NXPH2: variants seen among roughly 807,000 people sequenced by gnomAD.
NXPH2 encodes neurexophilin 2.
NXPH2 carries 5 observed loss-of-function variants against 19.8 expected under a neutral mutation model. That is an observed-to-expected ratio of 0.25 (90% CI 0.13 to 0.53). The LOEUF is 0.53. Ranked by LOEUF, NXPH2 falls within the 20% of genes least tolerant of loss-of-function variation. NXPH2 has a pLI of 0.96. For synonymous variants in NXPH2, 154 were observed against 127.4 expected (o/e 1.21, Z -1.41); for missense variants, 289 against 322.8 (o/e 0.90, Z 0.80).
At chr2:138,723,313 G>T (rs1681308452) in intron 1 of NXPH2, among the ~76,000 whole-genome samples, 1 of 152,128 alleles carries the variant, frequency 6.6e-6, no homozygotes, top group African/African-American at 2.4e-5. Flanking sequence ...AAAATTCATT[G>T]AAGATTATAC....
chr2:138,699,566 C>A (rs1397074242), intron 1 of NXPH2, among the ~76,000 whole-genome samples: 3 of 151,898 alleles, frequency 2.0e-5, no homozygotes, highest in Non-Finnish European at 4.4e-5. Flanking sequence ...CTAGGGGCAG[C>A]GGTGAGACTC....
intron 1 of NXPH2, among the ~76,000 whole-genome samples, chr2:138,720,211 T>C (rs1654651441): frequency 6.6e-6 from 1 of 150,728 alleles, no homozygotes; most frequent in Non-Finnish European, 1.5e-5. Flanking sequence ...GGAAGGACAA[T>C]GCAAAGTAGG....
rs561242556 is a variant in NXPH2 at position 138,715,287 on chromosome 2, A to T, written c.52-43622T>A. On this transcript the variant is annotated intron_variant, in intron 1 of 1. Transcript: ENST00000272641. ...ATATTTAAAAAGCAGAGATTATTTT[A>T]TACTGGATACATACAACTATTTAGT... Among the ~76,000 whole-genome samples the T allele has an allele frequency of 7.2e-5, 11 of 152,338 alleles. No individual in the cohort carries two copies. In the South Asian group the frequency reaches 1.9e-3, roughly 26 times the overall value.
In NXPH2 at chr2:138,778,346, T is replaced by A. The variant is rs562168906; in HGVS notation, c.51+1845A>T. ...GATTAGAATTTGACATAAGCTTTTTTAAAAGCAAATCCATCAGTCCATGCT... is the reference window on the plus strand; with the variant it reads ...GATTAGAATTTGACATAAGCTTTTTAAAAAGCAAATCCATCAGTCCATGCT... On this transcript the variant is annotated intron_variant, in intron 1 of 1. Coordinates refer to ENST00000272641, the MANE Select transcript of NXPH2 (RefSeq NM_007226.3). Among the ~76,000 whole-genome samples the A allele has an allele frequency of 1.2e-4, 18 of 152,280 alleles. No individual in the cohort carries two copies. The South Asian group carries it at 1.5e-3, about 12-fold the overall frequency.
At chr2:138,765,888 T>G (rs757810221) in intron 1 of NXPH2, among the ~76,000 whole-genome samples, 3 of 152,248 alleles carry the variant, frequency 2.0e-5, no homozygotes, top group Non-Finnish European at 4.4e-5. Flanking sequence ...CAATTTCAAT[T>G]TTATTTGCTG....
At position 138,717,940 on chromosome 2, in the gene NXPH2, G is replaced by A. The variant is rs1017724042; in HGVS notation, c.52-46275C>T. On this transcript the variant is annotated intron_variant, in intron 1 of 1. Coordinates refer to ENST00000272641, the MANE Select transcript of NXPH2 (RefSeq NM_007226.3). ...ATTAGACCTCTCAAACATTATAATA[G>A]AGTTGAAAATCAAGTTATTGATCTA... 3.3e-5 allele frequency among the ~76,000 whole-genome samples: 5 copies of A among 151,932 alleles called. No individual in the cohort carries two copies. The East Asian group carries it at 5.8e-4, about 18-fold the overall frequency.
intron 1 of NXPH2, among the ~76,000 whole-genome samples, chr2:138,761,352 A>G (rs1426765707): frequency 1.3e-5 from 2 of 152,174 alleles, no homozygotes; most frequent in Non-Finnish European, 2.9e-5. Flanking sequence ...GCAATGGGGC[A>G]AATCTGATGA....
chr2:138,723,862 C>A (rs548735536), intron 1 of NXPH2, among the ~76,000 whole-genome samples: 1 of 152,126 alleles, frequency 6.6e-6, no homozygotes, highest in South Asian at 2.1e-4. Flanking sequence ...TTTTCCATTG[C>A]TGACTGGTAT....
intron 1 of NXPH2, among the ~76,000 whole-genome samples, chr2:138,761,161 C>T (rs985098104): frequency 3.3e-5 from 5 of 152,160 alleles, no homozygotes; most frequent in Admixed American, 2.6e-4. Context: ...TGCCCCCACC[C>T]TCATCTTCAC....
In NXPH2 at chr2:138,780,337, C is replaced by A. The variant is rs1367611680; in HGVS notation, c.-96G>T. 4.2e-6 allele frequency: 4 copies of A among 942,222 alleles called. No individual in the cohort carries two copies. Among genetic ancestry groups the A allele is most frequent in the Non-Finnish European group, 5.6e-6 (4 of 719,150 alleles). The allele number at this position is 942,222 out of a possible 1,614,324, so 58.4% of individuals were successfully genotyped here. A position where few individuals can be genotyped will look rare whatever the true frequency, so the allele number is the denominator to read the frequency against. Reference sequence around the variant, plus strand: ...GGCAGGACTGAGGACGCCAGGGACACAGCGCGGCGCTTCCCTCCCGGAATC... The same window carrying A: ...GGCAGGACTGAGGACGCCAGGGACAAAGCGCGGCGCTTCCCTCCCGGAATC... On this transcript the variant is annotated 5_prime_UTR_variant, in exon 1 of 2. Transcript: ENST00000272641.
At chr2:138,713,597 C>CTGTGTG (rs113220668) in intron 1 of NXPH2, among the ~76,000 whole-genome samples, 4 of 149,628 alleles carry the variant, frequency 2.7e-5, no homozygotes, top group East Asian at 2.0e-4. Context: ...AGAAAACGTT[C>CTGTGTG]TGTGTGTGTG....
At chr2:138,730,291 C>T (rs1681427700) in intron 1 of NXPH2, among the ~76,000 whole-genome samples, 1 of 151,998 alleles carries the variant, frequency 6.6e-6, no homozygotes, top group Admixed American at 6.6e-5. Context: ...AACTCCTGGC[C>T]TCAAGTGATC....
At chr2:138,689,994 C>G (rs1480708880) in intron 1 of NXPH2, among the ~76,000 whole-genome samples, 1 of 152,176 alleles carries the variant, frequency 6.6e-6, no homozygotes, top group Non-Finnish European at 1.5e-5. Context: ...GTAAAGTTAT[C>G]CAGAAACTCA....
intron 1 of NXPH2, among the ~76,000 whole-genome samples, chr2:138,728,163 T>G (rs1436118572): frequency 1.3e-5 from 2 of 151,996 alleles, no homozygotes; most frequent in African/African-American, 4.8e-5. Flanking sequence ...GCGCTCTCTC[T>G]CTCTCTCTCT....
chr2:138,703,398 G>T (rs1470211328), intron 1 of NXPH2, among the ~76,000 whole-genome samples: 1 of 152,196 alleles, frequency 6.6e-6, no homozygotes, highest in African/African-American at 2.4e-5. Flanking sequence ...TGTTTGAAGG[G>T]ATAAATCAGG....
chr2:138,777,831 TAAAAAA>T (rs11299940), intron 1 of NXPH2, among the ~76,000 whole-genome samples: 7 of 92,946 alleles, frequency 7.5e-5, no homozygotes, highest in East Asian at 3.3e-4. Context: ...ACCAAAAAAT[TAAAAAA>T]AAAAAAAAAA....
At chr2:138,682,040 G>A (rs1680587150) in intron 1 of NXPH2, among the ~76,000 whole-genome samples, 1 of 152,100 alleles carries the variant, frequency 6.6e-6, no homozygotes, top group Non-Finnish European at 1.5e-5. Context: ...CCTCATTTGA[G>A]TTGCTTACAT....
intron 1 of NXPH2, among the ~76,000 whole-genome samples, chr2:138,736,282 C>T (rs143755172): frequency 0.015 from 2,288 of 152,346 alleles, 23 homozygotes; most frequent in Non-Finnish European, 0.021. Flanking sequence ...CAGCAAACTT[C>T]TGCCTGGGCA....
At chr2:138,754,547 T>G (rs1037188966) in intron 1 of NXPH2, among the ~76,000 whole-genome samples, 1 of 152,216 alleles carries the variant, frequency 6.6e-6, no homozygotes, top group Non-Finnish European at 1.5e-5. Flanking sequence ...GAATAGTATT[T>G]CATTGTATGA....
Sources: allele counts gnomAD v4.1 joint callset (sites outside exome capture counted in the v4.1 genomes callset), GRCh38; gene constraint gnomAD v4.1.1; transcripts MANE v1.5; gene names NCBI Gene and HGNC (gene_info 2026-07-23, HGNC 2026-07-21).